Variants in SUFU observed in about 807,000 individuals in gnomAD.
The protein encoded by SUFU is suppressor of fused homolog.
In SUFU, 7 loss-of-function variants were observed where a neutral mutation model predicts 58.9. That is an observed-to-expected ratio of 0.12 (90% CI 0.07 to 0.22). SUFU has a LOEUF of 0.22. Ranked by LOEUF, SUFU falls within the 10% of genes least tolerant of loss-of-function variation. SUFU has a pLI of 1.00. For missense variants in SUFU, 451 were observed against 641.3 expected, an observed-to-expected ratio of 0.70 and a Z score of 3.20; for synonymous variants, 232 against 254.8, an observed-to-expected ratio of 0.91 and a Z score of 0.85.
intron 8 of SUFU, among the ~76,000 whole-genome samples, chr10:102,601,059 C>T (rs962607169): frequency 2.0e-5 from 3 of 152,198 alleles, no homozygotes; most frequent in Admixed American, 2.0e-4. Flanking sequence ...GCCTCCTTGG[C>T]ACTGTTGGCA....
intron 2 of SUFU, among the ~76,000 whole-genome samples, chr10:102,515,087 C>G (rs894774394): frequency 1.3e-5 from 2 of 152,332 alleles, no homozygotes; most frequent in Admixed American, 1.3e-4. Context: ...CTGCACCCCC[C>G]GTGGGGTCTG....
intron 3 of SUFU, among the ~76,000 whole-genome samples, chr10:102,553,464 A>ATT (rs150900167): frequency 7.0e-5 from 10 of 142,606 alleles, no homozygotes; most frequent in Non-Finnish European, 1.2e-4. Flanking sequence ...ACAAAGGCAA[A>ATT]TTTTTTTTTT....
chr10:102,623,216 G>A (rs1464650722), intron 10 of SUFU, among the ~76,000 whole-genome samples: 1 of 152,198 alleles, frequency 6.6e-6, no homozygotes, highest in African/African-American at 2.4e-5. Context: ...CTCTTGGTAA[G>A]TGCAAATATC....
intron 2 of SUFU, among the ~76,000 whole-genome samples, chr10:102,515,721 C>G (rs1438879431): frequency 3.3e-5 from 5 of 152,080 alleles, no homozygotes; most frequent in Non-Finnish European, 7.4e-5. Context: ...TGCCCTCCTC[C>G]TAGAGCTCTC....
intron 10 of SUFU, chr10:102,618,789 A>G: frequency 1.9e-6 from 1 of 520,856 alleles, no homozygotes; most frequent in South Asian, 3.1e-5. Flanking sequence ...ACCCCCAGCC[A>G]TGTCCCGGGC....
At chr10:102,531,688 A>G (rs1237310096) in intron 2 of SUFU, among the ~76,000 whole-genome samples, 1 of 152,100 alleles carries the variant, frequency 6.6e-6, no homozygotes, top group Non-Finnish European at 1.5e-5. Flanking sequence ...TCAAAGTAAG[A>G]TATTGGAGGA....
At chr10:102,506,246 G>C (rs2062325341) in intron 1 of SUFU, among the ~76,000 whole-genome samples, 1 of 151,866 alleles carries the variant, frequency 6.6e-6, no homozygotes, top group South Asian at 2.1e-4. Flanking sequence ...TTTCCTTCCT[G>C]CTGCAAGCTT....
chr10:102,581,812 A>T (rs1438804670), intron 3 of SUFU, among the ~76,000 whole-genome samples: 1 of 152,196 alleles, frequency 6.6e-6, no homozygotes, highest in Admixed American at 6.5e-5. Context: ...GAAGACACTT[A>T]AGCCCTGGTT....
intron 3 of SUFU, among the ~76,000 whole-genome samples, chr10:102,578,048 C>T (rs566623811): frequency 2.1e-4 from 32 of 149,834 alleles, no homozygotes; most frequent in African/African-American, 6.9e-4. Context: ...TGGCTCATGC[C>T]TGTAATCCCA....
intron 3 of SUFU, among the ~76,000 whole-genome samples, chr10:102,561,673 T>TC (rs1295315712): frequency 2.7e-5 from 4 of 148,278 alleles, no homozygotes; most frequent in Admixed American, 2.0e-4. Flanking sequence ...CAAGCTTTTT[T>TC]TTTTTTTTTT....
At chr10:102,518,146 A>C (rs571990828) in intron 2 of SUFU, among the ~76,000 whole-genome samples, 2 of 152,290 alleles carry the variant, frequency 1.3e-5, no homozygotes, top group Non-Finnish European at 2.9e-5. Context: ...ACTTTGTATA[A>C]GGCACTTTTC....
chr10:102,572,903 T>C (rs2063176837), intron 3 of SUFU: 2 of 847,268 alleles, frequency 2.4e-6, no homozygotes, highest in Non-Finnish European at 2.0e-6. Context: ...GCCTATTTGA[T>C]CTGGTGCTTG....
At chr10:102,589,254 G>T (rs960033070) in intron 3 of SUFU, among the ~76,000 whole-genome samples, 2 of 151,822 alleles carry the variant, frequency 1.3e-5, no homozygotes, top group African/African-American at 4.8e-5. Context: ...ATTGTTCCTT[G>T]CTAGTATATA....
intron 2 of SUFU, among the ~76,000 whole-genome samples, chr10:102,516,855 G>T (rs984466025): frequency 1.3e-5 from 2 of 152,008 alleles, no homozygotes; most frequent in Non-Finnish European, 2.9e-5. Context: ...TGGGCATGGT[G>T]GCTCACATCT....
chr10:102,589,442 CTTTT>C (rs747625757), intron 3 of SUFU, among the ~76,000 whole-genome samples: 13 of 65,358 alleles, frequency 2.0e-4, no homozygotes, highest in African/African-American at 6.3e-5. Flanking sequence ...TTCTTTCTTT[CTTTT>C]TTTTTTTTTT....
chr10:102,505,131 A>G (rs1340214110), intron 1 of SUFU, among the ~76,000 whole-genome samples: 2 of 151,966 alleles, frequency 1.3e-5, no homozygotes, highest in African/African-American at 4.8e-5. Flanking sequence ...AATGGTGGAG[A>G]CTCTGGGACC....
At chr10:102,602,528 T>C (rs904253473) in intron 8 of SUFU, among the ~76,000 whole-genome samples, 16 of 152,350 alleles carry the variant, frequency 1.1e-4, no homozygotes, top group Non-Finnish European at 2.2e-4. Context: ...TGAGCCTTGA[T>C]GATTCCAAAT....
chr10:102,574,524 G>T (rs1374634292), intron 3 of SUFU, among the ~76,000 whole-genome samples: 1 of 152,284 alleles, frequency 6.6e-6, no homozygotes, highest in East Asian at 1.9e-4. Context: ...AAGACGAGAG[G>T]ATTGCTTGAG....
intron 10 of SUFU, among the ~76,000 whole-genome samples, chr10:102,620,844 G>C (rs1194167625): frequency 6.6e-6 from 1 of 152,170 alleles, no homozygotes; most frequent in Non-Finnish European, 1.5e-5. Context: ...CCCCAGCCAG[G>C]GTTGATCTGA....
Sources: gnomAD v4.1 joint callset for allele counts (sites outside exome capture counted in the v4.1 genomes callset) on GRCh38, gnomAD v4.1.1 for gene constraint, MANE v1.5 for transcripts, NCBI Gene and HGNC (gene_info 2026-07-23, HGNC 2026-07-21) for gene names.